Variants in UBE2F observed in about 807,000 individuals in gnomAD.
UBE2F encodes NEDD8-conjugating enzyme UBE2F.
A neutral mutation model predicts 29.6 loss-of-function variants in UBE2F; 5 were observed. That is an observed-to-expected ratio of 0.17 (90% CI 0.09 to 0.36). The LOEUF (loss-of-function observed/expected upper bound fraction) is 0.36, where lower values mean the gene tolerates loss of function less well. Ranked by LOEUF, UBE2F falls within the 10% of genes least tolerant of loss-of-function variation. The probability of loss-of-function intolerance (pLI) is 1.00; values close to 1 mark genes in which losing one functional copy is unlikely to be tolerated. For missense variants in UBE2F, 141 were observed against 228.5 expected (o/e 0.62, Z 2.47); for synonymous variants, 66 against 81.8 (o/e 0.81, Z 1.04).
chr2:237,973,019 A>G (rs2063207200), intron 1 of UBE2F, 73 bp from the exon 2 acceptor site: 4 of 1,478,564 alleles, frequency 2.7e-6, no homozygotes, highest in Non-Finnish European at 3.6e-6. Context: ...AAAAGCACTT[A>G]TACATTTTTC....
At chr2:237,990,429 G>T (rs752373503) in intron 3 of UBE2F, 10 of 444,904 alleles carry the variant, frequency 2.2e-5, no homozygotes, top group South Asian at 1.1e-4. Flanking sequence ...AATAGACAGG[G>T]TCTCTCTTTG....
chr2:238,024,408 C>T (rs756476231), intron 5 of UBE2F, among the ~76,000 whole-genome samples: 7 of 152,038 alleles, frequency 4.6e-5, no homozygotes, highest in Admixed American at 2.0e-4. Context: ...TACAATGGTG[C>T]GATCATAGCT....
At chr2:238,002,779 TTTTTA>T in intron 4 of UBE2F, among the ~76,000 whole-genome samples, 1 of 151,680 alleles carries the variant, frequency 6.6e-6, no homozygotes, top group Non-Finnish European at 1.5e-5. Flanking sequence ...GCCTGGCTAA[TTTTTA>T]TTTTATTTAT....
intron 4 of UBE2F, among the ~76,000 whole-genome samples, chr2:238,003,836 G>A (rs59070084): frequency 0.3 from 44,899 of 151,958 alleles, 8,253 homozygotes; most frequent in Admixed American, 0.41. Flanking sequence ...ACAGGCCTAC[G>A]CACTCACATA....
rs969623155 is a variant in UBE2F at position 238,040,935 on chromosome 2, A to G, written c.508-353A>G. Among the ~76,000 whole-genome samples the G allele has an allele frequency of 7.2e-5, 11 of 152,196 alleles. No homozygotes were observed. Among genetic ancestry groups the G allele is most frequent in the Non-Finnish European group, 1.6e-4 (11 of 68,024 alleles). On this transcript the variant is annotated intron_variant, in intron 9 of 9. Transcript: ENST00000272930. The surrounding 1 kb of genome is among the most constrained non-coding windows in gnomAD (Gnocchi z 4.4). The stretch of plus-strand genomic sequence containing the variant: ...TTCCTGAGAGCAGCAGCTGTGGCTC[A>G]CATCCATTGTGGCCAAAGGAGTCTT...
In UBE2F at chr2:237,967,070, A is replaced by G. The variant is rs2063068985; in HGVS notation, c.-79A>G. ...GCTGTGAGGGGCCGCGTCTCGCAGC[A>G]GCCGCCCGGACCGGGCATGGTGTTG... On this transcript the variant is annotated 5_prime_UTR_variant, in exon 1 of 10. Coordinates refer to ENST00000272930, the MANE Select transcript of UBE2F (RefSeq NM_080678.3). This position sits in a 1 kb window ranked among gnomAD's most constrained non-coding sequence, Gnocchi z 6.3. 2.3e-6 allele frequency: 3 copies of G among 1,324,354 alleles called. No homozygotes were observed. The highest frequency in any genetic ancestry group is 2.9e-6 in the Non-Finnish European group (3 of 1,035,844). 82.0% of individuals were successfully genotyped at this position (1,324,354 alleles called of 1,614,324 possible). A position where few individuals can be genotyped will look rare whatever the true frequency, so the allele number is the denominator to read the frequency against.
At chr2:238,000,583 T>C (rs2063773327) in intron 4 of UBE2F, among the ~76,000 whole-genome samples, 1 of 152,262 alleles carries the variant, frequency 6.6e-6, no homozygotes, top group Admixed American at 6.5e-5. Flanking sequence ...CTTTGTGTTG[T>C]TTCCACTTTG....
intron 2 of UBE2F, among the ~76,000 whole-genome samples, chr2:237,980,367 G>A (rs1371964574): frequency 1.3e-5 from 2 of 152,238 alleles, no homozygotes; most frequent in Non-Finnish European, 2.9e-5. Flanking sequence ...CCACCTTCAA[G>A]TTCCTGATGA....
intron 2 of UBE2F, among the ~76,000 whole-genome samples, chr2:237,984,467 G>A (rs2063440190): frequency 6.6e-6 from 1 of 152,226 alleles, no homozygotes; most frequent in African/African-American, 2.4e-5. Context: ...TCCATGCACT[G>A]TGCTTTCGCA....
chr2:237,991,164 C>T (rs2106347422), intron 3 of UBE2F, among the ~76,000 whole-genome samples: 1 of 152,266 alleles, frequency 6.6e-6, no homozygotes, highest in East Asian at 1.9e-4. Context: ...GCTCCCTGCC[C>T]CTTCTTTCAT....
chr2:238,006,174 A>T (rs1238870504), intron 4 of UBE2F, among the ~76,000 whole-genome samples: 1 of 152,192 alleles, frequency 6.6e-6, no homozygotes, highest in Non-Finnish European at 1.5e-5. Context: ...GCGGAAGGCA[A>T]AGTGGAGCCG....
At chr2:237,968,714 C>T in intron 1 of UBE2F, 1 of 297,026 alleles carries the variant, frequency 3.4e-6, no homozygotes, top group Non-Finnish European at 5.0e-6. Flanking sequence ...GCAGGTCCCA[C>T]CCAGAGGAGG....
intron 8 of UBE2F, among the ~76,000 whole-genome samples, chr2:238,034,265 A>G (rs1559229452): frequency 1.5e-5 from 2 of 137,016 alleles, no homozygotes; most frequent in African/African-American, 5.7e-5. Flanking sequence ...CACCTCTACT[A>G]AAAAAAAAAA....
At chr2:237,990,508 T>C in intron 3 of UBE2F, 1 of 395,422 alleles carries the variant, frequency 2.5e-6, no homozygotes, top group African/African-American at 2.2e-5. Context: ...GCTCAAGTGA[T>C]CTTCCCACCT....
At chr2:238,013,938 A>G (rs549865993) in intron 4 of UBE2F, among the ~76,000 whole-genome samples, 2 of 152,332 alleles carry the variant, frequency 1.3e-5, no homozygotes, top group South Asian at 4.1e-4. Context: ...AGTAACATAG[A>G]ATTGGCCTGT....
chr2:237,986,227 G>C, intron 2 of UBE2F: 1 of 311,750 alleles, frequency 3.2e-6, no homozygotes, highest in Non-Finnish European at 6.2e-6. Context: ...CCGGCTTACT[G>C]CAGCCTCGAC....
chr2:238,010,300 A>C (rs1272990705), intron 4 of UBE2F, among the ~76,000 whole-genome samples: 1 of 151,464 alleles, frequency 6.6e-6, no homozygotes, highest in Non-Finnish European at 1.5e-5. Flanking sequence ...CAGCCTCCCA[A>C]GTAGCTGGGA....
chr2:237,987,852 C>CTTT (rs1553551928), intron 2 of UBE2F, 111 bp from the exon 3 acceptor site: 19 of 519,882 alleles, frequency 3.7e-5, no homozygotes, highest in Admixed American at 1.8e-4. Context: ...TCAGTTCATC[C>CTTT]TTTTTTTTTT....
In UBE2F at chr2:238,022,175, C is replaced by CTTTTTTTTTTTTTTTTTTTTT. The variant is rs1162304454; in HGVS notation, c.283-3156_283-3155insTTTTTTTTTTTTTTTTTTTTT. 3.9e-3 allele frequency among the ~76,000 whole-genome samples: 248 copies of CTTTTTTTTTTTTTTTTTTTTT among 63,208 alleles called. 11 individuals carry two copies. The highest frequency in any genetic ancestry group is 9.8e-3 in the African/African-American group (234 of 23,894). 41.5% of individuals were successfully genotyped at this position (63,208 alleles called of 152,430 possible). On this transcript the variant is annotated intron_variant, in intron 5 of 9. Transcript: ENST00000272930. ...ATTTCTTTTTCTTTTCTTTTCTTTT[C>CTTTTTTTTTTTTTTTTTTTTT]TTTTTTTTTTTGGAGACAGAGTCTT... is the stretch of plus-strand genomic sequence containing the variant.
Sources: allele counts gnomAD v4.1 joint callset (sites outside exome capture counted in the v4.1 genomes callset), GRCh38; gene constraint gnomAD v4.1.1; non-coding constraint Gnocchi (gnomAD v3.1); transcripts MANE v1.5; gene names NCBI Gene and HGNC (gene_info 2026-07-23, HGNC 2026-07-21).